Variants in ZKSCAN1 observed in about 807,000 individuals in gnomAD.
The protein encoded by ZKSCAN1 is zinc finger with KRAB and SCAN domains 1, also known as zinc finger protein with KRAB and SCAN domains 1.
A neutral mutation model predicts 51.6 loss-of-function variants in ZKSCAN1; 14 were observed. The ratio of observed to expected loss-of-function variants is 0.27; its 90% CI spans 0.18 to 0.42. The LOEUF is 0.42. Ranked by LOEUF, ZKSCAN1 falls within the 10% of genes least tolerant of loss-of-function variation. The pLI is 1.00. For missense variants in ZKSCAN1, 531 were observed against 710.0 expected, an observed-to-expected ratio of 0.75 and a Z score of 2.86; for synonymous variants, 263 against 261.5, an observed-to-expected ratio of 1.01 and a Z score of -0.06.
At chr7:100,045,317 G>A (rs1253235085), downstream of ZKSCAN1, among the ~76,000 whole-genome samples, 1 of 151,980 alleles carries the variant, frequency 6.6e-6, no homozygotes, top group Non-Finnish European at 1.5e-5. Context: ...GGAGGCCGAG[G>A]TGGGCAGATC....
chr7:100,037,497 A>T lies in ZKSCAN1; in HGVS notation c.*3300A>T, dbSNP rs1322566146. 1 of 985,366 alleles carries T rather than the reference A, an allele frequency of 1.0e-6. No individual in the cohort carries two copies. Among genetic ancestry groups the T allele is most frequent in the Non-Finnish European group, 1.2e-6 (1 of 829,948 alleles). 61.0% of individuals were successfully genotyped at this position (985,366 alleles called of 1,614,324 possible). On this transcript the variant is annotated 3_prime_UTR_variant, in exon 6 of 6. Transcript: ENST00000324306. Reference sequence around the variant, plus strand: ...GTGTGATACGTGGGACAGTTCACATAGACATCAGAGAATTTATTCCAGAAA... The same window carrying T: ...GTGTGATACGTGGGACAGTTCACATTGACATCAGAGAATTTATTCCAGAAA...
chr7:100,031,273 A>ATTGTTT (rs1791090670), intron 5 of ZKSCAN1, among the ~76,000 whole-genome samples: 1 of 89,510 alleles, frequency 1.1e-5, no homozygotes, highest in East Asian at 3.2e-4. Context: ...GTACTAGATG[A>ATTGTTT]TTTTTTTTTT....
At chr7:100,019,637 C>T (rs1287968935) in intron 1 of ZKSCAN1, among the ~76,000 whole-genome samples, 1 of 152,178 alleles carries the variant, frequency 6.6e-6, no homozygotes, top group Non-Finnish European at 1.5e-5. Context: ...ATTTCAAATT[C>T]TGCCTCTACC....
At chr7:100,020,128 T>C (rs868014226) in intron 1 of ZKSCAN1, among the ~76,000 whole-genome samples, 7 of 152,218 alleles carry the variant, frequency 4.6e-5, no homozygotes, top group South Asian at 2.1e-4. Context: ...CTTACTGTTA[T>C]AGTTATGAGA....
At chr7:100,021,702 T>G (rs545932821) in intron 1 of ZKSCAN1, among the ~76,000 whole-genome samples, 1 of 151,860 alleles carries the variant, frequency 6.6e-6, no homozygotes, top group East Asian at 1.9e-4. Context: ...TTTATATTAT[T>G]AGTGTGTCCT....
At chr7:100,025,676 T>C (rs1252350413) in intron 3 of ZKSCAN1, among the ~76,000 whole-genome samples, 1 of 152,216 alleles carries the variant, frequency 6.6e-6, no homozygotes, top group Non-Finnish European at 1.5e-5. Context: ...TCTAGCCTTC[T>C]CCACACCTAC....
At chr7:100,017,249 G>A (rs1790407935) in intron 1 of ZKSCAN1, among the ~76,000 whole-genome samples, 1 of 151,838 alleles carries the variant, frequency 6.6e-6, no homozygotes, top group Non-Finnish European at 1.5e-5. Flanking sequence ...TTGAGACAGA[G>A]TCTTGCTCTG....
rs1336762198 is a variant in ZKSCAN1, at chr7:100,033,581, G to A, written c.1076G>A (p.Ser359Asn). Residue 359 changes from serine (S) to asparagine (N), a missense_variant, in exon 6 of 6, where the codon AGT (serine) becomes AAT (asparagine). Ser to Asn is a conservative substitution (Grantham distance 46, BLOSUM62 1). Around this residue, in one of 2 missense-constraint regions of ZKSCAN1, gnomAD observed 403 missense variants for 490.5 expected, o/e 0.82. Coordinates refer to ENST00000324306, the MANE Select transcript of ZKSCAN1 (RefSeq NM_003439.4). This position sits in a 1 kb window ranked among gnomAD's most constrained non-coding sequence, Gnocchi z 4.1. ...GGGAAAGGATTGGGAAGAAGCTTCAGTCTGAGCTCCAACTTCACCACCCCT... is the reference window on the plus strand; with the variant it reads ...GGGAAAGGATTGGGAAGAAGCTTCAATCTGAGCTCCAACTTCACCACCCCT... ...EKGKGLGRSF[S>N]LSSNFTTPEE... 1.5e-5 allele frequency: 24 copies of A among 1,614,076 alleles called. No individual in the cohort carries two copies. The highest frequency in any genetic ancestry group is 1.9e-5 in the Non-Finnish European group (23 of 1,180,036).
rs2115985137 is a variant in ZKSCAN1, at chr7:100,039,314, A to AT, written c.*5117_*5118insT. The AT allele has an allele frequency of 1.2e-6, 1 of 865,710 alleles. No individual in the cohort carries two copies. Among genetic ancestry groups the AT allele is most frequent in the South Asian group, 5.7e-5 (1 of 17,436 alleles). 53.6% of individuals were successfully genotyped at this position (865,710 alleles called of 1,614,324 possible). On this transcript the variant is annotated 3_prime_UTR_variant, in exon 6 of 6. Transcript: ENST00000324306. ...GTAACAGAGACTCTGTCTCAAAAAA[A>AT]GAAAAAAAAAAAAGAAAGAAAGAAA...
At chr7:100,031,465 A>G (rs1584345124) in intron 5 of ZKSCAN1, among the ~76,000 whole-genome samples, 1 of 151,906 alleles carries the variant, frequency 6.6e-6, no homozygotes, top group African/African-American at 2.4e-5. Context: ...TTCTGTAGAG[A>G]AGAGGTTTCG....
chr7:100,039,804 C>T lies in ZKSCAN1; in HGVS notation c.*5607C>T. On this transcript the variant is annotated 3_prime_UTR_variant, in exon 6 of 6. Transcript: ENST00000324306. Reference sequence around the variant, plus strand: ...GAGATACGAGGGGGCTAGGGTTTTCCCATCTGGGAAATGGGGTGAAAGTCT... The same window carrying T: ...GAGATACGAGGGGGCTAGGGTTTTCTCATCTGGGAAATGGGGTGAAAGTCT... The T allele has an allele frequency of 1.0e-6, 1 of 985,308 alleles. No individual in the cohort carries two copies. The highest frequency in any genetic ancestry group is 4.7e-5 in the South Asian group (1 of 21,280). 61.0% of individuals were successfully genotyped at this position (985,308 alleles called of 1,614,324 possible).
At chr7:100,018,111 A>C (rs997035297) in intron 1 of ZKSCAN1, among the ~76,000 whole-genome samples, 16 of 152,310 alleles carry the variant, frequency 1.1e-4, no homozygotes, top group Admixed American at 1.0e-3. Flanking sequence ...ACGCATAGAG[A>C]GGTTAACTTG....
chr7:100,038,004 A>G lies in ZKSCAN1; in HGVS notation c.*3807A>G. 15 of 984,470 alleles carry G rather than the reference A, an allele frequency of 1.5e-5. No homozygotes were observed. The highest frequency in any genetic ancestry group is 1.7e-5 in the Non-Finnish European group (14 of 829,106). The allele number at this position is 984,470 out of a possible 1,614,324, so 61.0% of individuals were successfully genotyped here. A position where few individuals can be genotyped will look rare whatever the true frequency, so the allele number is the denominator to read the frequency against. On this transcript the variant is annotated 3_prime_UTR_variant, in exon 6 of 6. Coordinates refer to ENST00000324306, the MANE Select transcript of ZKSCAN1 (RefSeq NM_003439.4). ...CACTGGCACTCCAGCCTTGAGTGAC[A>G]GAGCGAGGCTCTGTATCAAAAAAAA...
rs745768744 is a variant in ZKSCAN1 at position 100,034,175 on chromosome 7, C to T, written c.1670C>T (p.Ala557Val). The T allele has an allele frequency of 1.5e-5, 22 of 1,511,900 alleles. No individual in the cohort carries two copies. Among genetic ancestry groups the T allele is most frequent in the Middle Eastern group, 1.8e-4 (1 of 5,648 alleles). 93.7% of individuals were successfully genotyped at this position (1,511,900 alleles called of 1,614,324 possible). A position where few individuals can be genotyped will look rare whatever the true frequency, so the allele number is the denominator to read the frequency against. Residue 557 changes from alanine to valine, a missense_variant, in exon 6 of 6, where the codon GCG becomes GTG. Ala to Val is a moderately conservative substitution (Grantham distance 64). Transcript: ENST00000324306. ...CCAGCCTCCCTTGATGCATTTGGCG[C>T]GTTCCTGAAAAGTTGTGTGTAAAGG... ...YSPASLDAFG[A>V]FLKSCV
rs1791563757 is a variant in ZKSCAN1 at position 100,040,832 on chromosome 7, G to A, written c.*6635G>A. ...TTTTTAAAGCTTTTAGCCTGCCCTAGCAAGGACAAAGCATGTTAGATTAGA... is the reference window on the plus strand; with the variant it reads ...TTTTTAAAGCTTTTAGCCTGCCCTAACAAGGACAAAGCATGTTAGATTAGA... On this transcript the variant is annotated 3_prime_UTR_variant, in exon 6 of 6. Coordinates refer to ENST00000324306, the MANE Select transcript of ZKSCAN1 (RefSeq NM_003439.4). 6 of 985,286 alleles carry A rather than the reference G, an allele frequency of 6.1e-6. No individual in the cohort carries two copies. The highest frequency in any genetic ancestry group is 1.7e-5 in the African/African-American group (1 of 57,234). The allele number at this position is 985,286 out of a possible 1,614,324, so 61.0% of individuals were successfully genotyped here. A position where few individuals can be genotyped will look rare whatever the true frequency, so the allele number is the denominator to read the frequency against.
rs372210410 is a variant in ZKSCAN1, at chr7:100,033,295, A to G, written c.800-10A>G. 2 of 1,580,400 alleles carry G rather than the reference A, an allele frequency of 1.3e-6. No individual in the cohort carries two copies. The highest frequency in any genetic ancestry group is 1.4e-5 in the African/African-American group (1 of 72,864). On this transcript the variant is annotated splice_polypyrimidine_tract_variant and intron_variant, in intron 5 of 5. Transcript: ENST00000324306. This position sits in a 1 kb window ranked among gnomAD's most constrained non-coding sequence, Gnocchi z 4.1. ...AAGGTGCGATTTGAATTTTCTATTTATTATGTCAGGTGGTGAAAACAGGAA... is the reference window on the plus strand; with the variant it reads ...AAGGTGCGATTTGAATTTTCTATTTGTTATGTCAGGTGGTGAAAACAGGAA...
At chr7:100,024,069 C>G in intron 2 of ZKSCAN1, 85 bp from the exon 3 acceptor site, 1 of 1,532,122 alleles carries the variant, frequency 6.5e-7, no homozygotes, top group Non-Finnish European at 8.8e-7. Context: ...CCTGCATCCA[C>G]TGGCATACTC....
intron 3 of ZKSCAN1, among the ~76,000 whole-genome samples, chr7:100,029,447 C>T (rs1791005332): frequency 6.6e-6 from 1 of 152,128 alleles, no homozygotes; most frequent in Admixed American, 6.6e-5. Flanking sequence ...ATTCTCATAT[C>T]CTGGTATCGT....
chr7:100,041,417 G>T lies in ZKSCAN1; in HGVS notation c.*7220G>T, dbSNP rs1791587528. 2.0e-6 allele frequency: 2 copies of T among 985,198 alleles called. No individual in the cohort carries two copies. The highest frequency in any genetic ancestry group is 1.7e-5 in the African/African-American group (1 of 57,176). 61.0% of individuals were successfully genotyped at this position (985,198 alleles called of 1,614,324 possible). On this transcript the variant is annotated 3_prime_UTR_variant, in exon 6 of 6. Transcript: ENST00000324306. ...ATAATGGAATCTTAGAGGAAAAGTG[G>T]TTTTTTAAAAGCTAGGGAACTCCTC...
Sources: allele counts gnomAD v4.1 joint callset (sites outside exome capture counted in the v4.1 genomes callset), GRCh38; gene constraint gnomAD v4.1.1; regional missense constraint gnomAD v4.1.1; non-coding constraint Gnocchi (gnomAD v3.1); transcripts MANE v1.5; gene names NCBI Gene and HGNC (gene_info 2026-07-23, HGNC 2026-07-21).